The following WDPCP variants were observed in gnomAD, a reference collection of about 807,000 sequenced individuals.
WDPCP encodes the protein WD repeat-containing and planar cell polarity effector protein fritz homolog.
A neutral mutation model predicts 93.1 loss-of-function variants in WDPCP; 71 were observed. The ratio of observed to expected loss-of-function variants is 0.76; its 90% CI spans 0.63 to 0.93. The LOEUF (loss-of-function observed/expected upper bound fraction) is 0.93. Among genes scored for constraint, WDPCP ranks in the 40% least tolerant of loss-of-function variants. The pLI, the probability that WDPCP is intolerant of heterozygous loss-of-function variation, is 0.00. For synonymous variants in WDPCP, 315 were observed against 315.0 expected (o/e 1.00, Z 0.00); for missense variants, 844 against 887.4 (o/e 0.95, Z 0.62).
intron 2 of WDPCP, among the ~76,000 whole-genome samples, chr2:63,783,723 C>T (rs904747942): frequency 6.6e-6 from 1 of 152,070 alleles, no homozygotes; most frequent in Non-Finnish European, 1.5e-5. Context: ...ATAATGTGTA[C>T]ACCTTGGCAT....
intron 6 of WDPCP, among the ~76,000 whole-genome samples, chr2:63,453,320 G>C (rs182620817): frequency 2.2e-3 from 333 of 152,334 alleles, no homozygotes; most frequent in African/African-American, 7.4e-3. Flanking sequence ...AGACATTTAT[G>C]CAGCCAACAG....
At chr2:63,504,999 T>C (rs1412430388) in intron 1 of WDPCP, among the ~76,000 whole-genome samples, 1 of 152,098 alleles carries the variant, frequency 6.6e-6, no homozygotes, top group Admixed American at 6.6e-5. Context: ...TGTTAAGTTA[T>C]TGTGTTACAT....
intron 4 of WDPCP, among the ~76,000 whole-genome samples, chr2:63,485,249 G>A (rs760040373): frequency 4.6e-5 from 7 of 151,548 alleles, no homozygotes; most frequent in Non-Finnish European, 8.8e-5. Flanking sequence ...TGCTAGGCTT[G>A]TGAATCTAGT....
At chr2:63,683,083 T>C (rs1363881527) in intron 2 of WDPCP, among the ~76,000 whole-genome samples, 7 of 152,012 alleles carry the variant, frequency 4.6e-5, no homozygotes, top group Non-Finnish European at 1.0e-4. Flanking sequence ...CAAAAAAATA[T>C]ACAACTGATA....
At chr2:63,363,580 A>C (rs754548925) in intron 12 of WDPCP, among the ~76,000 whole-genome samples, 24 of 152,300 alleles carry the variant, frequency 1.6e-4, no homozygotes, top group South Asian at 2.1e-4. Context: ...AGTGGGCAAC[A>C]GAGACCCTGT....
chr2:63,453,394 A>C (rs928694116), intron 6 of WDPCP, among the ~76,000 whole-genome samples: 5 of 152,226 alleles, frequency 3.3e-5, no homozygotes, highest in African/African-American at 7.2e-5. Context: ...CTACAATGAG[A>C]TATGACCTCA....
rs531254694 is a variant in WDPCP at position 63,723,569 on chromosome 2, A to G, written n.309-72731T>C. ...TAACCCCTCACACAATGCTTTGCAC[A>G]TAGTTGGCATTCTACAGATAGTTGT... On this transcript the variant is annotated intron_variant and non_coding_transcript_variant, in intron 2 of 4. Coordinates refer to the WDPCP transcript ENST00000467687. Among the ~76,000 whole-genome samples the G allele has an allele frequency of 2.6e-4, 40 of 152,338 alleles. No homozygotes were observed. The South Asian group carries it at 6.8e-3, about 26-fold the overall frequency.
At chr2:63,495,867 C>A (rs1308796025) in intron 1 of WDPCP, among the ~76,000 whole-genome samples, 2 of 152,078 alleles carry the variant, frequency 1.3e-5, no homozygotes, top group South Asian at 4.2e-4. Context: ...AAGTACTAAG[C>A]ACAACAGGAG....
intron 1 of WDPCP, among the ~76,000 whole-genome samples, chr2:63,544,205 CA>C (rs1374123864): frequency 2.0e-5 from 3 of 152,054 alleles, no homozygotes; most frequent in African/African-American, 4.8e-5. Context: ...GGTCCTTGCA[CA>C]ACTGCACCAC....
At chr2:63,788,925 A>C (rs1670506850) in intron 2 of WDPCP, among the ~76,000 whole-genome samples, 1 of 152,092 alleles carries the variant, frequency 6.6e-6, no homozygotes, top group Admixed American at 6.6e-5. Flanking sequence ...CAGACCCTAA[A>C]CACTAAACAT....
intron 2 of WDPCP, among the ~76,000 whole-genome samples, chr2:63,773,220 T>C (rs1670255253): frequency 6.6e-6 from 1 of 151,940 alleles, no homozygotes; most frequent in African/African-American, 2.4e-5. Flanking sequence ...GAAAAATAAA[T>C]TGAGATATAC....
At chr2:63,420,197 A>G (rs1695737914) in intron 9 of WDPCP, among the ~76,000 whole-genome samples, 2 of 152,040 alleles carry the variant, frequency 1.3e-5, no homozygotes, top group African/African-American at 4.8e-5. Context: ...CAGTTTCATG[A>G]AATACTATCC....
intron 12 of WDPCP, among the ~76,000 whole-genome samples, chr2:63,351,861 T>C (rs1475065182): frequency 6.6e-6 from 1 of 152,234 alleles, no homozygotes; most frequent in Non-Finnish European, 1.5e-5. Flanking sequence ...CTTTCCACAG[T>C]GGCTGGACTA....
chr2:63,162,186 C>G (rs1385513779), intron 15 of WDPCP, among the ~76,000 whole-genome samples: 1 of 152,088 alleles, frequency 6.6e-6, no homozygotes, highest in Non-Finnish European at 1.5e-5. Context: ...TATTTAACTT[C>G]ATATTCGACT....
intron 6 of WDPCP, among the ~76,000 whole-genome samples, chr2:63,443,987 G>C (rs2105561600): frequency 6.6e-6 from 1 of 152,220 alleles, no homozygotes; most frequent in East Asian, 1.9e-4. Flanking sequence ...CCAGTGGAGA[G>C]ATCTAGTACA....
At chr2:63,592,920 C>T (rs1421361565), upstream of WDPCP, among the ~76,000 whole-genome samples, 2 of 151,874 alleles carry the variant, frequency 1.3e-5, no homozygotes, top group Non-Finnish European at 2.9e-5. Flanking sequence ...ATTCCCTTTT[C>T]CTCACCTACT....
At chr2:63,317,347 G>T (rs991612306) in intron 12 of WDPCP, among the ~76,000 whole-genome samples, 1 of 149,032 alleles carries the variant, frequency 6.7e-6, no homozygotes, top group Non-Finnish European at 1.5e-5. Flanking sequence ...GGCAGAGGTT[G>T]CAGTGAGCCA....
chr2:63,833,480 A>G, the WDPCP span, among the ~76,000 whole-genome samples: 2 of 152,312 alleles, frequency 1.3e-5, no homozygotes, highest in East Asian at 3.9e-4. Context: ...CTAGACACCA[A>G]TATGCGAAAA....
upstream of WDPCP, among the ~76,000 whole-genome samples, chr2:63,828,286 T>G (rs1352059587): frequency 6.6e-6 from 1 of 152,162 alleles, no homozygotes; most frequent in African/African-American, 2.4e-5. Context: ...AGATATATTT[T>G]TGGCTTGCTT....
Sources: allele counts gnomAD v4.1 joint callset (sites outside exome capture counted in the v4.1 genomes callset), GRCh38; gene constraint gnomAD v4.1.1; transcripts MANE v1.5; gene names NCBI Gene and HGNC (gene_info 2026-07-23, HGNC 2026-07-21).